Variants in OOSP4A observed in about 807,000 individuals in gnomAD.
OOSP4A encodes the protein oocyte secreted protein family member 4A.
intron 2 of OOSP4A, among the ~76,000 whole-genome samples, chr11:59,966,144 C>G (rs899987736): frequency 1.3e-4 from 19 of 151,214 alleles, no homozygotes; most frequent in Non-Finnish European, 2.9e-5. Flanking sequence ...AGAGAGAAAT[C>G]AATCTTTCCA....
At chr11:59,969,694 T>C (rs1854136155) in intron 4 of OOSP4A, among the ~76,000 whole-genome samples, 1 of 152,190 alleles carries the variant, frequency 6.6e-6, no homozygotes. Context: ...GCCATAAGAA[T>C]ATTCAAATAG....
At chr11:59,966,956 G>A (rs985747438) in intron 2 of OOSP4A, 111 bp from the exon 3 acceptor site, 1 of 384,330 alleles carries the variant, frequency 2.6e-6, no homozygotes, top group Non-Finnish European at 4.6e-6. Context: ...ATTTCATAAA[G>A]TAAAAATAAA....
downstream of OOSP4A, chr11:59,970,150 C>T (rs990402801): frequency 2.0e-5 from 8 of 397,926 alleles, no homozygotes; most frequent in Admixed American, 1.8e-4. Flanking sequence ...TCACCTGGTA[C>T]TCTGGCTGCT....
chr11:59,967,064 T>C lies in OOSP4A; in HGVS notation c.247-3T>C, dbSNP rs756294191. 14 of 398,012 alleles carry C rather than the reference T, an allele frequency of 3.5e-5. No homozygotes were observed. The highest frequency in any genetic ancestry group is 6.2e-5 in the Non-Finnish European group (14 of 225,776). 24.7% of individuals were successfully genotyped at this position (398,012 alleles called of 1,614,324 possible). The stretch of plus-strand genomic sequence containing the variant: ...AGATAATTTATATCCTTTACACCTT[T>C]AGGAACATGGAGTAGGTATTCTCAT... On this transcript the variant is annotated splice_polypyrimidine_tract_variant and splice_region_variant and intron_variant, in intron 2 of 4. Transcript: ENST00000645590.
At chr11:59,966,635 C>A (rs891306950) in intron 2 of OOSP4A, among the ~76,000 whole-genome samples, 11 of 152,108 alleles carry the variant, frequency 7.2e-5, no homozygotes, top group African/African-American at 2.7e-4. Context: ...ACCACCACAC[C>A]TAACTAATTT....
chr11:59,968,392 C>T (rs78710971), intron 3 of OOSP4A, among the ~76,000 whole-genome samples: 2,901 of 152,316 alleles, frequency 0.019, 95 homozygotes, highest in African/African-American at 0.066. Context: ...CTTACTTCTT[C>T]GTCCATACAA....
intron 1 of OOSP4A, among the ~76,000 whole-genome samples, chr11:59,965,152 A>AG (rs1195078749): frequency 3.2e-5 from 1 of 30,864 alleles, no homozygotes; most frequent in African/African-American, 1.4e-4. Flanking sequence ...GGGGTGGGGG[A>AG]GGGGGGAGGG....
At chr11:59,970,144 C>CTGGT in exon 5 of OOSP4A, 1 of 397,932 alleles carries the variant, frequency 2.5e-6, no homozygotes, top group Non-Finnish European at 4.4e-6. Flanking sequence ...CCTACTTCAC[C>CTGGT]TGGTACTCTG....
chr11:59,965,490 G>A (rs1355647308), intron 1 of OOSP4A, 45 bp from the exon 2 acceptor site: 1 of 398,070 alleles, frequency 2.5e-6, no homozygotes, highest in Non-Finnish European at 4.4e-6. Context: ...TTTGGGGGCA[G>A]ACGTACTATT....
At chr11:59,968,838 A>G (rs1174763803) in intron 3 of OOSP4A, among the ~76,000 whole-genome samples, 1 of 152,182 alleles carries the variant, frequency 6.6e-6, no homozygotes, top group East Asian at 1.9e-4. Flanking sequence ...ATGTCTGTTG[A>G]GATGATTAGA....
At chr11:59,964,304 T>C (rs1173989489) in intron 1 of OOSP4A, among the ~76,000 whole-genome samples, 8 of 152,144 alleles carry the variant, frequency 5.3e-5, no homozygotes, top group Non-Finnish European at 1.0e-4. Flanking sequence ...TCCTCTAAGC[T>C]GATCTCAAGG....
intron 1 of OOSP4A, 42 bp from the exon 2 acceptor site, chr11:59,965,493 G>A (rs1590563330): frequency 1.0e-5 from 4 of 398,172 alleles, no homozygotes; most frequent in Non-Finnish European, 1.3e-5. Context: ...GGGGGCAGAC[G>A]TACTATTTGA....
At chr11:59,967,305 T>A (rs1469917334) in intron 3 of OOSP4A, 141 bp downstream of exon 3, 1 of 392,638 alleles carries the variant, frequency 2.5e-6, no homozygotes, top group Non-Finnish European at 4.5e-6. Flanking sequence ...GTTGGTCATG[T>A]GAGTAGGTCT....
chr11:59,965,364 T>C (rs1240915964), intron 1 of OOSP4A, among the ~76,000 whole-genome samples, 171 bp from the exon 2 acceptor site: 1 of 152,090 alleles, frequency 6.6e-6, no homozygotes, highest in Non-Finnish European at 1.5e-5. Context: ...CTGAGACACA[T>C]AGAGATTAAT....
At chr11:59,964,842 T>A (rs1854080913) in intron 1 of OOSP4A, among the ~76,000 whole-genome samples, 1 of 152,158 alleles carries the variant, frequency 6.6e-6, no homozygotes, top group Non-Finnish European at 1.5e-5. Flanking sequence ...AAGCACGTGA[T>A]ATATTTTTCT....
chr11:59,968,033 A>G (rs1019891585), intron 3 of OOSP4A, among the ~76,000 whole-genome samples: 1 of 152,202 alleles, frequency 6.6e-6, no homozygotes, highest in Admixed American at 6.5e-5. Flanking sequence ...TCAGGTCCCT[A>G]TCTCCAATGT....
chr11:59,968,257 C>T (rs758350642), intron 3 of OOSP4A, among the ~76,000 whole-genome samples: 4 of 152,134 alleles, frequency 2.6e-5, no homozygotes, highest in Non-Finnish European at 5.9e-5. Context: ...GCAATGCTGG[C>T]TAGATAATCA....
chr11:59,964,439 C>T (rs1018084214), intron 1 of OOSP4A, among the ~76,000 whole-genome samples: 1 of 151,966 alleles, frequency 6.6e-6, no homozygotes, highest in Admixed American at 6.6e-5. Context: ...GGAGAGACTG[C>T]CCAGTGCCTA....
chr11:59,965,357 A>G (rs1256731289), intron 1 of OOSP4A, among the ~76,000 whole-genome samples, 178 bp from the exon 2 acceptor site: 2 of 152,172 alleles, frequency 1.3e-5, no homozygotes, highest in African/African-American at 2.4e-5. Context: ...GAAAAAACTG[A>G]GACACATAGA....
Sources: gnomAD v4.1 joint callset for allele counts (sites outside exome capture counted in the v4.1 genomes callset) on GRCh38, gnomAD v4.1.1 for gene constraint, MANE v1.5 for transcripts, NCBI Gene and HGNC (gene_info 2026-07-23, HGNC 2026-07-21) for gene names.